HMGB1: variants seen among roughly 807,000 people sequenced by gnomAD.
HMGB1 encodes high mobility group box 1.
For missense variants in HMGB1, 79 were observed against 253.5 expected, an observed-to-expected ratio of 0.31 and a Z score of 4.67; for synonymous variants, 81 against 84.0, an observed-to-expected ratio of 0.96 and a Z score of 0.19.
chr13:30,476,853 G>A (rs1408908961), intron 1 of HMGB1, among the ~76,000 whole-genome samples: 9 of 135,292 alleles, frequency 6.7e-5, no homozygotes, highest in Non-Finnish European at 1.2e-4. Flanking sequence ...GCAAAAGAGC[G>A]AGATTCTGTC....
At chr13:30,561,481 G>A (rs991918623) in intron 1 of HMGB1, among the ~76,000 whole-genome samples, 4 of 152,170 alleles carry the variant, frequency 2.6e-5, no homozygotes, top group African/African-American at 9.7e-5. Flanking sequence ...TCGGAGAAGA[G>A]GCAGAAGATG....
chr13:30,503,108 C>T (rs1021661359), intron 1 of HMGB1, among the ~76,000 whole-genome samples: 18 of 151,858 alleles, frequency 1.2e-4, no homozygotes, highest in Admixed American at 2.6e-4. Context: ...GAGGCCGAGG[C>T]GAGGGATCAT....
chr13:30,582,941 A>G (rs953465318), intron 1 of HMGB1, among the ~76,000 whole-genome samples: 8 of 152,196 alleles, frequency 5.3e-5, no homozygotes, highest in Non-Finnish European at 1.2e-4. Context: ...CTTTAGTCTG[A>G]AATCTCATAA....
Position 30,459,516 on chromosome 13 carries a change from C to CA in HMGB1, c.*1840dup, listed in dbSNP as rs559127857. On this transcript the variant is annotated 3_prime_UTR_variant, in exon 5 of 5. Transcript: ENST00000341423. ...AGATTGAGTCATTTGCTCCTCTTAA[C>CA]AAAAAATCTGATGTTCGACACAATT... is the stretch of plus-strand genomic sequence containing the variant. 18 of 152,204 alleles carry CA rather than the reference C, an allele frequency of 1.2e-4. No homozygotes were observed. In the East Asian group the frequency reaches 2.7e-3, roughly 23 times the overall value. 9.4% of individuals were successfully genotyped at this position (152,204 alleles called of 1,614,324 possible).
chr13:30,487,003 G>A (rs1295426319), intron 1 of HMGB1, among the ~76,000 whole-genome samples: 2 of 152,148 alleles, frequency 1.3e-5, no homozygotes, highest in Admixed American at 6.6e-5. Context: ...TTTCCTCTGG[G>A]TCATTTTATT....
intron 1 of HMGB1, among the ~76,000 whole-genome samples, chr13:30,563,908 C>T (rs1463255331): frequency 1.3e-5 from 2 of 152,152 alleles, no homozygotes; most frequent in African/African-American, 4.8e-5. Flanking sequence ...TGGGTCTCTA[C>T]TTTATAACTG....
intron 1 of HMGB1, among the ~76,000 whole-genome samples, chr13:30,544,432 TC>T (rs1869050856): frequency 6.6e-6 from 1 of 152,202 alleles, no homozygotes; most frequent in Non-Finnish European, 1.5e-5. Flanking sequence ...TCAGTCTCAC[TC>T]CCCCAACCTC....
chr13:30,538,639 C>CT (rs1213599552), intron 1 of HMGB1, among the ~76,000 whole-genome samples: 2 of 60,786 alleles, frequency 3.3e-5, no homozygotes, highest in African/African-American at 1.6e-4. Context: ...CTTTTTCTTT[C>CT]TTCCTTTCTT....
At position 30,588,928 on chromosome 13, in the gene HMGB1, T is replaced by C. The variant is rs1028699540; in HGVS notation, c.-15+27743A>G. Among the ~76,000 whole-genome samples the C allele has an allele frequency of 2.6e-5, 4 of 151,574 alleles. No individual in the cohort carries two copies. The East Asian group carries it at 5.8e-4, about 22-fold the overall frequency. On this transcript the variant is annotated intron_variant, in intron 1 of 4. Coordinates refer to the HMGB1 transcript ENST00000405805. ...CAAGCCTCTGTTTAAAAAAAAACGG[T>C]AAAAATAAATAACATTTACTATTGT... is the stretch of plus-strand genomic sequence containing the variant.
chr13:30,578,368 CTTTTTTTTTTTTTT>C (rs60947686), intron 1 of HMGB1, among the ~76,000 whole-genome samples: 19 of 59,324 alleles, frequency 3.2e-4, no homozygotes, highest in East Asian at 6.3e-4. Context: ...AGTTCTTGTT[CTTTTTTTTTTTTTT>C]TTTTTTTTTT....
Position 30,465,927 on chromosome 13 carries a change from C to G in HMGB1, c.-146G>C. The G allele has an allele frequency of 1.0e-5, 10 of 986,144 alleles. No homozygotes were observed. Among genetic ancestry groups the G allele is most frequent in the Non-Finnish European group, 1.2e-5 (10 of 830,168 alleles). The allele number at this position is 986,144 out of a possible 1,614,324, so 61.1% of individuals were successfully genotyped here. ...ACGCAGCCTCCTCACTCTCTCCGCT[C>G]TGTAACATTACTCTCCAGCCAGCGC... On this transcript the variant is annotated 5_prime_UTR_variant, in exon 1 of 5. Coordinates refer to ENST00000341423, the MANE Select transcript of HMGB1 (RefSeq NM_002128.7).
chr13:30,546,070 A>T (rs989434192), intron 1 of HMGB1, among the ~76,000 whole-genome samples: 6 of 152,154 alleles, frequency 3.9e-5, no homozygotes, highest in African/African-American at 1.2e-4. Context: ...AAGCACTTCC[A>T]TCATCACGGA....
At chr13:30,521,030 C>T (rs553043232) in intron 1 of HMGB1, among the ~76,000 whole-genome samples, 12 of 152,252 alleles carry the variant, frequency 7.9e-5, no homozygotes, top group Middle Eastern at 3.4e-3. Flanking sequence ...ATGGACATGA[C>T]GACTGTGGCC....
chr13:30,503,122 G>T (rs1248599328), intron 1 of HMGB1, among the ~76,000 whole-genome samples: 1 of 151,946 alleles, frequency 6.6e-6, no homozygotes, highest in Non-Finnish European at 1.5e-5. Context: ...GGATCATGAG[G>T]TCAGGAGATC....
chr13:30,571,630 A>G (rs1023960411), intron 1 of HMGB1, among the ~76,000 whole-genome samples: 2 of 152,208 alleles, frequency 1.3e-5, no homozygotes, highest in Admixed American at 1.3e-4. Flanking sequence ...ATTAAGCTGT[A>G]GAATAAAAAT....
intron 1 of HMGB1, among the ~76,000 whole-genome samples, chr13:30,489,896 G>A (rs1477112844): frequency 4.0e-5 from 6 of 151,594 alleles, no homozygotes; most frequent in Admixed American, 6.6e-5. Context: ...CACCATGCCC[G>A]GCTAATTTTT....
intron 1 of HMGB1, among the ~76,000 whole-genome samples, chr13:30,577,286 G>C (rs1870697873): frequency 6.7e-6 from 1 of 149,216 alleles, no homozygotes; most frequent in Non-Finnish European, 1.5e-5. Context: ...GCTGCAGCAA[G>C]CTATGATCAC....
rs893383471 is a variant in HMGB1, at chr13:30,459,965, T to G, written c.*1392A>C. Reference sequence around the variant, plus strand: ...GGAAAGAATCCAAGTCTAAATTATATAACAAAACAGCACTCCATCACAAAA... The same window carrying G: ...GGAAAGAATCCAAGTCTAAATTATAGAACAAAACAGCACTCCATCACAAAA... On this transcript the variant is annotated 3_prime_UTR_variant, in exon 5 of 5. Coordinates refer to ENST00000341423, the MANE Select transcript of HMGB1 (RefSeq NM_002128.7). 4 of 152,574 alleles carry G rather than the reference T, an allele frequency of 2.6e-5. No individual in the cohort carries two copies. The highest frequency in any genetic ancestry group is 7.2e-5 in the African/African-American group (3 of 41,424). 9.5% of individuals were successfully genotyped at this position (152,574 alleles called of 1,614,324 possible).
In HMGB1 at chr13:30,538,631, T is replaced by TTC. The variant is rs1443881621; in HGVS notation, c.-14-74938_-14-74937insGA. On this transcript the variant is annotated intron_variant, in intron 1 of 4. Transcript: ENST00000405805. ...TCTTTCTCTTTCTCTCTCTCTTTCT[T>TTC]TTTCTTTCTTCCTTTCTTTCTTTCT... is the stretch of plus-strand genomic sequence containing the variant. 5.8e-4 allele frequency among the ~76,000 whole-genome samples: 57 copies of TTC among 98,650 alleles called. 3 individuals are homozygous for TTC. Among genetic ancestry groups the TTC allele is most frequent in the East Asian group, 3.3e-3 (14 of 4,292 alleles). The allele number at this position is 98,650 out of a possible 152,430, so 64.7% of individuals were successfully genotyped here. A position where few individuals can be genotyped will look rare whatever the true frequency, so the allele number is the denominator to read the frequency against.
Sources: gnomAD v4.1 joint callset for allele counts (sites outside exome capture counted in the v4.1 genomes callset) on GRCh38, gnomAD v4.1.1 for gene constraint, MANE v1.5 for transcripts, NCBI Gene and HGNC (gene_info 2026-07-23, HGNC 2026-07-21) for gene names.